Variants in TDP1 observed in about 807,000 individuals in gnomAD.
TDP1 encodes tyr-DNA phosphodiesterase 1.
In TDP1, 64 loss-of-function variants were observed where a neutral mutation model predicts 81.5. The observed-to-expected ratio is 0.79, with a 90% CI of 0.64 to 0.97. TDP1 has a LOEUF of 0.97. Among genes scored for constraint, TDP1 ranks in the 50% least tolerant of loss-of-function variants. The pLI is 0.00. For missense variants in TDP1, 723 were observed against 743.8 expected, an observed-to-expected ratio of 0.97 and a Z score of 0.33; for synonymous variants, 256 against 264.3, an observed-to-expected ratio of 0.97 and a Z score of 0.30.
At chr14:89,976,555 T>TAA (rs568759321) in intron 7 of TDP1, among the ~76,000 whole-genome samples, 4 of 132,816 alleles carry the variant, frequency 3.0e-5, no homozygotes, top group African/African-American at 1.3e-4. Flanking sequence ...TTTTTTTTTT[T>TAA]AGACAGAGTC....
intron 10 of TDP1, 72 bp from the exon 11 acceptor site, chr14:89,988,833 G>A: frequency 1.2e-6 from 2 of 1,601,292 alleles, no homozygotes; most frequent in African/African-American, 2.7e-5. Context: ...GCAGAAAACT[G>A]TTTTCAAATA....
chr14:89,982,872 A>G (rs1404516842), intron 8 of TDP1, among the ~76,000 whole-genome samples: 1 of 152,140 alleles, frequency 6.6e-6, no homozygotes, highest in Non-Finnish European at 1.5e-5. Flanking sequence ...GTTTTTGTAT[A>G]CAATCTCACT....
Position 89,984,598 on chromosome 14 carries a change from C to T in TDP1, c.967C>T (p.Leu323Phe). The T allele has an allele frequency of 6.2e-7, 1 of 1,614,078 alleles. No homozygotes were observed. Among genetic ancestry groups the T allele is most frequent in the Non-Finnish European group, 8.5e-7 (1 of 1,180,000 alleles). The stretch of plus-strand genomic sequence containing the variant: ...GTCGCCAACACATTTTAAAGCTGAT[C>T]TCATCAGTTACTTGATGGCTTATAA... ...GESPTHFKAD[L>F]ISYLMAYNAP... Residue 323 changes from leucine (L) to phenylalanine (F), a missense_variant, in exon 9 of 17, where the codon CTC becomes TTC. Leu to Phe is a conservative substitution (Grantham distance 22). Transcript: ENST00000335725.
chr14:89,960,593 G>C (rs1201716001), intron 2 of TDP1, among the ~76,000 whole-genome samples: 1 of 152,200 alleles, frequency 6.6e-6, no homozygotes, highest in Non-Finnish European at 1.5e-5. Context: ...AGACAGTCTA[G>C]GGTCACTATT....
At chr14:90,028,693 T>C (rs1886922109) in intron 15 of TDP1, among the ~76,000 whole-genome samples, 1 of 152,086 alleles carries the variant, frequency 6.6e-6, no homozygotes. Flanking sequence ...AAAGTAGTAC[T>C]TTTTTTTGTA....
intron 5 of TDP1, among the ~76,000 whole-genome samples, chr14:89,970,165 C>T (rs1293920146): frequency 1.3e-5 from 2 of 152,130 alleles, no homozygotes; most frequent in Admixed American, 1.3e-4. Context: ...CGTGAGCCAC[C>T]GCGCCTGGCC....
intron 2 of TDP1, among the ~76,000 whole-genome samples, chr14:89,957,648 C>T (rs750033841): frequency 3.3e-5 from 5 of 152,186 alleles, no homozygotes; most frequent in Non-Finnish European, 5.9e-5. Context: ...ACACTAGTAG[C>T]TCTAAATGGA....
At position 90,033,105 on chromosome 14, in the gene TDP1, G is replaced by C. The variant is rs1476232884; in HGVS notation, c.1645-1G>C. 6.3e-7 allele frequency: 1 copy of C among 1,596,934 alleles called. No homozygotes were observed. Among genetic ancestry groups the C allele is most frequent in the Non-Finnish European group, 8.6e-7 (1 of 1,164,738 alleles). The stretch of plus-strand genomic sequence containing the variant: ...CATAGATTTCCTCTGTGTGTCTGCA[G>C]GGTCTAGACAGTTTCAAAGTGAAAC... On this transcript the variant is annotated splice_acceptor_variant, in intron 15 of 16. Transcript: ENST00000335725. LOFTEE classifies it high-confidence loss of function.
intron 15 of TDP1, among the ~76,000 whole-genome samples, chr14:90,026,740 G>C (rs563262666): frequency 4.6e-5 from 7 of 152,268 alleles, no homozygotes; most frequent in African/African-American, 9.6e-5. Context: ...ATAGTTTGCT[G>C]AGAATGATGG....
At chr14:90,002,111 G>A (rs1275709795) in intron 14 of TDP1, among the ~76,000 whole-genome samples, 2 of 152,206 alleles carry the variant, frequency 1.3e-5, no homozygotes, top group Admixed American at 6.5e-5. Flanking sequence ...ATATAAAGAA[G>A]GTATGTCTTC....
At chr14:89,983,287 C>G in intron 8 of TDP1, 2 of 364,770 alleles carry the variant, frequency 5.5e-6, no homozygotes, top group South Asian at 4.1e-5. Flanking sequence ...GTATAGTCAG[C>G]TAGTCGATCT....
chr14:89,961,081 G>A (rs750695693), intron 2 of TDP1, among the ~76,000 whole-genome samples: 8 of 152,184 alleles, frequency 5.3e-5, no homozygotes, highest in Non-Finnish European at 1.2e-4. Context: ...CAACAGGTGT[G>A]GGAGGAGCTA....
chr14:89,965,584 C>T (rs1037631172), intron 3 of TDP1, among the ~76,000 whole-genome samples: 9 of 152,124 alleles, frequency 5.9e-5, no homozygotes, highest in Non-Finnish European at 1.0e-4. Flanking sequence ...TTTCAACTTA[C>T]CTAACATAAA....
rs375489844 is a variant in TDP1, at chr14:89,993,457, T to C, written c.1515T>C (p.Ser505=). 22 of 1,613,674 alleles carry C rather than the reference T, an allele frequency of 1.4e-5. No individual in the cohort carries two copies. Among genetic ancestry groups the C allele is most frequent in the Non-Finnish European group, 1.8e-5 (21 of 1,179,784 alleles). ...ATATGAGGCCTTCTCCAGACTTCAG[T>C]AAAATTGCTTGGTTCCTTGTCACAA... ...KTYMRPSPDF[S]KIAWFLVTSA... Residue 505 remains serine, a synonymous_variant, in exon 14 of 17, where the codon AGT becomes AGC. Transcript: ENST00000335725.
intron 16 of TDP1, 178 bp from the exon 17 acceptor site, chr14:90,042,892 T>G: frequency 1.0e-6 from 1 of 985,424 alleles, no homozygotes; most frequent in South Asian, 4.7e-5. Context: ...CCTAGTGTCC[T>G]AATAGGAGCC....
chr14:90,018,925 T>G, intron 14 of TDP1: 1 of 958,462 alleles, frequency 1.0e-6, no homozygotes, highest in Non-Finnish European at 1.2e-6. Context: ...CTTAAGATAC[T>G]ACTACATAAG....
chr14:89,981,310 TA>T (rs1375266272), intron 8 of TDP1, among the ~76,000 whole-genome samples: 1 of 152,264 alleles, frequency 6.6e-6, no homozygotes, highest in East Asian at 1.9e-4. Context: ...TTTAAACTAC[TA>T]ACCCTCTGTA....
rs778965872 is a variant in TDP1 at position 89,984,574 on chromosome 14, T to C, written c.943T>C (p.Ser315Pro). 8 of 1,613,236 alleles carry C rather than the reference T, an allele frequency of 5.0e-6. No homozygotes were observed. In the Admixed American group the frequency reaches 1.3e-4, roughly 27 times the overall value. The change falls in exon 9 of 17, where the codon TCG (serine) becomes CCG (proline). Residue 315 changes from serine (S) to proline (P), a missense_variant. Ser to Pro is a moderately conservative substitution (Grantham distance 74, BLOSUM62 -1). Coordinates refer to ENST00000335725, the MANE Select transcript of TDP1 (RefSeq NM_018319.4). ...IADGTHKSGE[S>P]PTHFKADLIS... ...TGATGGAACCCACAAATCTGGAGAG[T>C]CGCCAACACATTTTAAAGCTGATCT...
intron 14 of TDP1, among the ~76,000 whole-genome samples, chr14:90,006,774 G>A (rs1397451553): frequency 6.6e-6 from 1 of 152,032 alleles, no homozygotes; most frequent in East Asian, 1.9e-4. Flanking sequence ...CCTGACCTCA[G>A]GTGATCCGCC....
Sources: gnomAD v4.1 joint callset for allele counts (sites outside exome capture counted in the v4.1 genomes callset) on GRCh38, gnomAD v4.1.1 for gene constraint, MANE v1.5 for transcripts, NCBI Gene and HGNC (gene_info 2026-07-23, HGNC 2026-07-21) for gene names.